The following MYT1L variants were observed in gnomAD, a reference collection of about 807,000 sequenced individuals.
MYT1L encodes myelin transcription factor 1 like, also known as myelin transcription factor 1-like protein.
A neutral mutation model predicts 126.7 loss-of-function variants in MYT1L; 12 were observed. That is an observed-to-expected ratio of 0.09 (90% confidence interval 0.06 to 0.15). The LOEUF (loss-of-function observed/expected upper bound fraction) is 0.15, where lower values mean the gene tolerates loss of function less well. Ranked by LOEUF, MYT1L falls within the 10% of genes least tolerant of loss-of-function variation. MYT1L has a pLI of 1.00. For synonymous variants in MYT1L, 541 were observed against 604.2 expected, an observed-to-expected ratio of 0.90 and a Z score of 1.53; for missense variants, 979 against 1,585.2, an observed-to-expected ratio of 0.62 and a Z score of 6.49.
intron 3 of MYT1L, among the ~76,000 whole-genome samples, chr2:2,092,461 T>C (rs2077000474): frequency 6.6e-6 from 1 of 152,124 alleles, no homozygotes; most frequent in African/African-American, 2.4e-5. Flanking sequence ...GCAGATATGA[T>C]GATAATAAAA....
chr2:2,317,349 A>G (rs2096083407), intron 1 of MYT1L, among the ~76,000 whole-genome samples: 1 of 152,142 alleles, frequency 6.6e-6, no homozygotes, highest in South Asian at 2.1e-4. Flanking sequence ...GTTACACAGT[A>G]ATGCCTTTGA....
At chr2:2,296,376 A>G (rs2095693908) in intron 1 of MYT1L, among the ~76,000 whole-genome samples, 1 of 151,696 alleles carries the variant, frequency 6.6e-6, no homozygotes, top group Non-Finnish European at 1.5e-5. Flanking sequence ...ATTTTTTTTT[A>G]AGAGAAAAAA....
In MYT1L at chr2:1,984,571, G is replaced by A. The variant is rs1264047351; in HGVS notation, c.1-4794C>T. On this transcript the variant is annotated intron_variant, in intron 5 of 24. Coordinates refer to ENST00000647738, the MANE Select transcript of MYT1L (RefSeq NM_001303052.2). ...GTGGCCCAGGCTGGAGTGCAGTGGC[G>A]CTATCTGGGCTCACTACAAGCTCCG... Among the ~76,000 whole-genome samples the A allele has an allele frequency of 6.2e-5, 9 of 144,616 alleles. No individual in the cohort carries two copies. The East Asian group carries it at 1.0e-3, about 17-fold the overall frequency. 94.9% of individuals were successfully genotyped at this position (144,616 alleles called of 152,430 possible). A position where few individuals can be genotyped will look rare whatever the true frequency, so the allele number is the denominator to read the frequency against.
At chr2:2,273,323 T>C (rs2095300910) in intron 2 of MYT1L, among the ~76,000 whole-genome samples, 1 of 152,146 alleles carries the variant, frequency 6.6e-6, no homozygotes, top group South Asian at 2.1e-4. Context: ...AAAACACATC[T>C]AGAAATGACC....
rs758998405 is a variant in MYT1L at position 1,943,313 on chromosome 2, C to T, written c.174G>A (p.Ala58=). The change falls in exon 9 of 25, where the codon GCG becomes GCA. Residue 58 remains alanine (A), a synonymous_variant. Transcript: ENST00000647738. The surrounding 1 kb of genome is among the most constrained non-coding windows in gnomAD (Gnocchi z 4.4). ...RHRSVYGCPL[A]KKRKTQDKQP... ...GTTTATCTTGTGTTTTTCTTTTTTT[C>T]GCCAAGGGACAACCATATACACTAA... is the stretch of plus-strand genomic sequence containing the variant. The T allele has an allele frequency of 1.7e-5, 26 of 1,572,408 alleles. No homozygotes were observed. The highest frequency in any genetic ancestry group is 3.7e-5 in the Admixed American group (2 of 53,508).
chr2:1,979,921 G>C lies in MYT1L; in HGVS notation c.1-144C>G. 1.3e-6 allele frequency: 1 copy of C among 759,486 alleles called. No individual in the cohort carries two copies. 47.0% of individuals were successfully genotyped at this position (759,486 alleles called of 1,614,324 possible). The stretch of plus-strand genomic sequence containing the variant: ...GAAGGGAAGCCCTCTACAAGGGCAG[G>C]GGGTAAGACCAGGCAATCTAAATGT... On this transcript the variant is annotated intron_variant, in intron 5 of 24. Transcript: ENST00000647738. This position sits in a 1 kb window ranked among gnomAD's most constrained non-coding sequence, Gnocchi z 4.0.
intron 21 of MYT1L, chr2:1,828,500 C>T (rs1458275804): frequency 1.3e-5 from 2 of 152,198 alleles, no homozygotes; most frequent in South Asian, 2.1e-4. Flanking sequence ...TAAAAACAAC[C>T]GTATGAAAGT....
In MYT1L at chr2:2,052,245, A is replaced by C. The variant is rs1237868224; in HGVS notation, c.-158+1733T>G. ...AGTATACCCACATGCAAAAGAATAAAGTTATAACATTACCTTAAACCTGTA... is the reference window on the plus strand; with the variant it reads ...AGTATACCCACATGCAAAAGAATAACGTTATAACATTACCTTAAACCTGTA... On this transcript the variant is annotated intron_variant, in intron 4 of 24. Coordinates refer to ENST00000647738, the MANE Select transcript of MYT1L (RefSeq NM_001303052.2). Among the ~76,000 whole-genome samples the C allele has an allele frequency of 7.9e-5, 12 of 152,208 alleles. No homozygotes were observed. In the South Asian group the frequency reaches 2.3e-3, roughly 29 times the overall value.
intron 4 of MYT1L, among the ~76,000 whole-genome samples, chr2:2,037,299 C>T (rs375114313): frequency 6.6e-6 from 1 of 152,200 alleles, no homozygotes; most frequent in South Asian, 2.1e-4. Flanking sequence ...CGTTATTTCC[C>T]ATTGAATCTC....
chr2:2,261,970 T>A (rs977977101), intron 2 of MYT1L, among the ~76,000 whole-genome samples: 5 of 152,204 alleles, frequency 3.3e-5, no homozygotes, highest in Non-Finnish European at 5.9e-5. Flanking sequence ...AAAGGTAATA[T>A]TAAATTTAAA....
chr2:2,270,155 A>G (rs959866195), intron 2 of MYT1L, among the ~76,000 whole-genome samples: 3 of 152,340 alleles, frequency 2.0e-5, no homozygotes, highest in Middle Eastern at 3.4e-3. Context: ...TGTGGCCAGA[A>G]GAGACTGTCT....
Position 2,142,335 on chromosome 2 carries a change from C to T in MYT1L, c.-304+30537G>A, listed in dbSNP as rs187345800. Among the ~76,000 whole-genome samples the T allele has an allele frequency of 5.9e-3, 900 of 152,160 alleles. 4 individuals carry two copies. Among genetic ancestry groups the T allele is most frequent in the Middle Eastern group, 0.034 (10 of 294 alleles). On this transcript the variant is annotated intron_variant, in intron 3 of 24. Transcript: ENST00000647738. ...GTCATAGCATTCTTCCTCCTACCAT[C>T]CTTTACATTAATTTTCTCATTATTT...
intron 2 of MYT1L, among the ~76,000 whole-genome samples, chr2:2,176,296 T>C (rs940187301): frequency 6.6e-6 from 1 of 152,190 alleles, no homozygotes; most frequent in African/African-American, 2.4e-5. Flanking sequence ...AGTTTTAAAA[T>C]CACCCTTCTC....
At chr2:1,896,545 A>G (rs1324518391) in intron 14 of MYT1L, among the ~76,000 whole-genome samples, 1 of 152,248 alleles carries the variant, frequency 6.6e-6, no homozygotes, top group Non-Finnish European at 1.5e-5. Context: ...TTGCAGTAAC[A>G]TGGATGGTGC....
chr2:2,134,684 C>T (rs767726835), intron 3 of MYT1L, among the ~76,000 whole-genome samples: 16 of 152,156 alleles, frequency 1.1e-4, no homozygotes, highest in Non-Finnish European at 2.1e-4. Context: ...GCTTACCAGA[C>T]AGACAACAGA....
intron 3 of MYT1L, among the ~76,000 whole-genome samples, chr2:2,149,057 T>G: frequency 6.6e-6 from 1 of 152,264 alleles, no homozygotes; most frequent in Middle Eastern, 3.4e-3. Flanking sequence ...AATATTGCTC[T>G]TAGTTTGCTC....
At chr2:1,851,550 C>T (rs2043262499) in intron 19 of MYT1L, 91 bp downstream of exon 19, 1 of 1,324,998 alleles carries the variant, frequency 7.5e-7, no homozygotes, top group Non-Finnish European at 1.1e-6. Flanking sequence ...TGGTGTCAAA[C>T]TTCGCAAGGC....
rs1273171149 is a variant in MYT1L at position 2,217,701 on chromosome 2, AACAAC to A, written c.-420-44718_-420-44714del. ...CAACAACAACAACAACAACAACAAC[AACAAC>A]AAAAAAAAAAAAAGAAAGAAGGAAA... On this transcript the variant is annotated intron_variant, in intron 2 of 24. Coordinates refer to ENST00000647738, the MANE Select transcript of MYT1L (RefSeq NM_001303052.2). Among the ~76,000 whole-genome samples the A allele has an allele frequency of 7.6e-4, 81 of 106,328 alleles. 2 individuals carry two copies. Among genetic ancestry groups the A allele is most frequent in the South Asian group, 1.5e-3 (5 of 3,414 alleles). The allele number at this position is 106,328 out of a possible 152,430, so 69.8% of individuals were successfully genotyped here.
intron 19 of MYT1L, chr2:1,842,616 C>CCCCCGCCCCGCCCCG (rs2041893989): frequency 6.6e-6 from 1 of 152,494 alleles, no homozygotes; most frequent in Admixed American, 6.5e-5. Flanking sequence ...GCCTCCTCCG[C>CCCCCGCCCCGCCCCG]CCCCGCCCCA....
Sources: gnomAD v4.1 joint callset for allele counts (sites outside exome capture counted in the v4.1 genomes callset) on GRCh38, gnomAD v4.1.1 for gene constraint, Gnocchi (gnomAD v3.1) non-coding constraint, MANE v1.5 for transcripts, NCBI Gene and HGNC (gene_info 2026-07-23, HGNC 2026-07-21) for gene names.